The following KIF26B variants were observed in gnomAD, a reference collection of about 807,000 sequenced individuals.
KIF26B encodes kinesin family member 26B.
KIF26B carries 63 observed loss-of-function variants against 151.2 expected under a neutral mutation model. The ratio of observed to expected loss-of-function variants is 0.42; its 90% CI spans 0.34 to 0.51. The LOEUF (loss-of-function observed/expected upper bound fraction) is 0.51, where lower values mean the gene tolerates loss of function less well. Ranked by LOEUF, KIF26B falls within the 20% of genes least tolerant of loss-of-function variation. The pLI is 0.07. For synonymous variants in KIF26B, 1,357 were observed against 1,262.1 expected (o/e 1.08, Z -1.59); for missense variants, 2,813 against 2,913.6 (o/e 0.97, Z 0.79).
intron 2 of KIF26B, among the ~76,000 whole-genome samples, chr1:245,351,921 T>C (rs1441550320): frequency 2.0e-5 from 3 of 152,174 alleles, no homozygotes; most frequent in African/African-American, 4.8e-5. Flanking sequence ...TATAAATGAA[T>C]GAAATTAGTG....
chr1:245,586,214 C>T (rs185916698), intron 5 of KIF26B, among the ~76,000 whole-genome samples: 14 of 148,430 alleles, frequency 9.4e-5, no homozygotes, highest in East Asian at 4.0e-4. Context: ...TTAATAGAGA[C>T]GGGGTCTTGC....
chr1:245,699,114 G>C (rs1484724208), intron 14 of KIF26B, 77 bp downstream of exon 14: 4 of 1,454,156 alleles, frequency 2.8e-6, no homozygotes, highest in Non-Finnish European at 2.8e-6. Flanking sequence ...AGCCCAGGGT[G>C]ACAGTGACAC....
Position 245,440,191 on chromosome 1 carries a change from A to G in KIF26B, c.1166+20446A>G, listed in dbSNP as rs973523311. On this transcript the variant is annotated intron_variant, in intron 4 of 14. Transcript: ENST00000407071. ...AGCCGAGATCGTGCCACTGCACACCAGCCTGGGCGACAGAGCCAGACTCTG... is the reference window on the plus strand; with the variant it reads ...AGCCGAGATCGTGCCACTGCACACCGGCCTGGGCGACAGAGCCAGACTCTG... 2.2e-4 allele frequency among the ~76,000 whole-genome samples: 34 copies of G among 152,212 alleles called. 1 individual carries two copies. Among genetic ancestry groups the G allele is most frequent in the African/African-American group, 7.0e-4 (29 of 41,534 alleles).
chr1:245,455,287 C>T (rs1276717222), intron 4 of KIF26B, among the ~76,000 whole-genome samples: 3 of 152,066 alleles, frequency 2.0e-5, no homozygotes, highest in Non-Finnish European at 2.9e-5. Flanking sequence ...GGGCAGATCA[C>T]GAGGTCAAGA....
intron 2 of KIF26B, among the ~76,000 whole-genome samples, chr1:245,169,369 A>C (rs1053194239): frequency 9.9e-5 from 4 of 40,268 alleles, no homozygotes; most frequent in Non-Finnish European, 2.8e-4. Flanking sequence ...GTGTGCGCGC[A>C]AGCACTTTGT....
Position 245,170,426 on chromosome 1 carries a change from A to G in KIF26B, c.465+13743A>G, listed in dbSNP as rs1227075388. 6.6e-6 allele frequency among the ~76,000 whole-genome samples: 1 copy of G among 152,220 alleles called. No homozygotes were observed. The highest frequency in any genetic ancestry group is 1.5e-5 in the Non-Finnish European group (1 of 68,040). ...TGGGAATGCTCACTGGATGCTTACAATTGGTTCCAGGTGTTCCAGGGACGA... is the reference window on the plus strand; with the variant it reads ...TGGGAATGCTCACTGGATGCTTACAGTTGGTTCCAGGTGTTCCAGGGACGA... On this transcript the variant is annotated intron_variant, in intron 2 of 14. Transcript: ENST00000407071. This position sits in a 1 kb window ranked among gnomAD's most constrained non-coding sequence, Gnocchi z 4.4.
intron 3 of KIF26B, among the ~76,000 whole-genome samples, chr1:245,388,220 G>A (rs757849066): frequency 6.6e-6 from 1 of 151,940 alleles, no homozygotes; most frequent in Non-Finnish European, 1.5e-5. Context: ...TTTTATCATA[G>A]TATTTTTTAA....
intron 5 of KIF26B, among the ~76,000 whole-genome samples, chr1:245,552,088 T>C (rs1227691622): frequency 6.7e-6 from 1 of 148,952 alleles, no homozygotes; most frequent in Non-Finnish European, 1.5e-5. Context: ...CTAGGTGTAT[T>C]AGCCAGAGTT....
intron 4 of KIF26B, among the ~76,000 whole-genome samples, chr1:245,471,125 G>GTATATATATATA (rs1350615793): frequency 6.9e-6 from 1 of 144,858 alleles, no homozygotes; most frequent in Admixed American, 7.0e-5. Flanking sequence ...ATGTGTGTGT[G>GTATATATATATA]TGTGTGTATA....
chr1:245,592,292 C>A (rs962882124), intron 5 of KIF26B, among the ~76,000 whole-genome samples: 2 of 152,206 alleles, frequency 1.3e-5, no homozygotes, highest in Non-Finnish European at 2.9e-5. Context: ...CCCCACTGCC[C>A]GCCCCAGTCT....
intron 2 of KIF26B, among the ~76,000 whole-genome samples, chr1:245,341,262 G>A (rs1370047670): frequency 3.4e-5 from 5 of 147,542 alleles, no homozygotes; most frequent in African/African-American, 9.8e-5. Flanking sequence ...GATTATTCCT[G>A]GGAGCTTTAA....
chr1:245,650,807 C>A (rs570975923), intron 10 of KIF26B, among the ~76,000 whole-genome samples: 125 of 152,354 alleles, frequency 8.2e-4, no homozygotes, highest in African/African-American at 3.0e-3. Flanking sequence ...CCTTCTGTGG[C>A]CCTCTCATGT....
chr1:245,303,963 G>C (rs1345633037), intron 2 of KIF26B, among the ~76,000 whole-genome samples: 2 of 152,180 alleles, frequency 1.3e-5, no homozygotes, highest in Non-Finnish European at 2.9e-5. Context: ...GATACTTCTC[G>C]AGTTAATGAC....
chr1:245,398,728 A>G (rs1362896461), intron 3 of KIF26B, among the ~76,000 whole-genome samples: 1 of 151,730 alleles, frequency 6.6e-6, no homozygotes, highest in African/African-American at 2.4e-5. Flanking sequence ...AAAAATTATA[A>G]ATTATAATTT....
chr1:245,304,591 T>TA (rs1442233601), intron 2 of KIF26B, among the ~76,000 whole-genome samples: 1 of 152,078 alleles, frequency 6.6e-6, no homozygotes, highest in South Asian at 2.1e-4. Context: ...AGCCCAAGTC[T>TA]AAAAAAAATT....
At chr1:245,324,618 T>C (rs1027955937) in intron 2 of KIF26B, among the ~76,000 whole-genome samples, 2 of 152,144 alleles carry the variant, frequency 1.3e-5, no homozygotes, top group African/African-American at 4.8e-5. Context: ...CCCAGGTCAT[T>C]TGTCTATCTT....
At chr1:245,576,762 ATTG>A (rs2043122282) in intron 5 of KIF26B, among the ~76,000 whole-genome samples, 1 of 152,152 alleles carries the variant, frequency 6.6e-6, no homozygotes, top group Non-Finnish European at 1.5e-5. Context: ...TGTCTGGCAC[ATTG>A]TTTAGACAGG....
At chr1:245,366,757 G>T in intron 2 of KIF26B, 77 bp from the exon 3 acceptor site, 1 of 1,446,726 alleles carries the variant, frequency 6.9e-7, no homozygotes, top group Non-Finnish European at 9.5e-7. Flanking sequence ...GGTTTGACTG[G>T]TAAGCCAGGT....
rs1272941383 is a variant in KIF26B at position 245,367,160 on chromosome 1, C to T, written c.792C>T (p.His264=). 9.3e-6 allele frequency: 15 copies of T among 1,604,718 alleles called. No individual in the cohort carries two copies. The highest frequency in any genetic ancestry group is 6.7e-5 in the East Asian group (3 of 44,462). ...ACTACACAGGCTTCGCCAACAAGCA[C>T]GGCAGCAAACCCAGCAGCCTTGGGG... ...TSNYTGFANK[H]GSKPSSLGVS... Residue 264 remains histidine, a synonymous_variant, in exon 3 of 15, where the codon CAC becomes CAT. Transcript: ENST00000407071. The surrounding 1 kb of genome is among the most constrained non-coding windows in gnomAD (Gnocchi z 4.2).
Sources: allele counts gnomAD v4.1 joint callset (sites outside exome capture counted in the v4.1 genomes callset), GRCh38; gene constraint gnomAD v4.1.1; non-coding constraint Gnocchi (gnomAD v3.1); transcripts MANE v1.5; gene names NCBI Gene and HGNC (gene_info 2026-07-23, HGNC 2026-07-21).